MBD3: variants seen among roughly 807,000 people sequenced by gnomAD.
MBD3 encodes the protein methyl-CpG-binding domain protein 3.
MBD3 carries 13 observed loss-of-function variants against 31.2 expected under a neutral mutation model. That is an observed-to-expected ratio of 0.42 (90% CI 0.27 to 0.66). MBD3 has a LOEUF of 0.66. Among genes scored for constraint, MBD3 ranks in the 30% least tolerant of loss-of-function variants. MBD3 has a pLI of 0.26. For missense variants in MBD3, 440 were observed against 426.5 expected (o/e 1.03, Z -0.28); for synonymous variants, 223 against 187.4 (o/e 1.19, Z -1.55).
rs1330778687 is a variant in MBD3, at chr19:1,585,800, G to A, written c.111-586C>T. On this transcript the variant is annotated intron_variant, in intron 1 of 6. Transcript: ENST00000434436. This position sits in a 1 kb window ranked among gnomAD's most constrained non-coding sequence, Gnocchi z 4.1. ...CCTTGGGGTTACAGCAGCAGGGCCA[G>A]ACTGGGAAGGGGTCTCGTTCTAAGA... 6.4e-6 allele frequency: 1 copy of A among 157,212 alleles called. No homozygotes were observed. The highest frequency in any genetic ancestry group is 1.4e-5 in the Non-Finnish European group (1 of 71,172). The allele number at this position is 157,212 out of a possible 1,614,324, so 9.7% of individuals were successfully genotyped here.
At chr19:1,584,763 G>A in intron 2 of MBD3, 86 bp from the exon 3 acceptor site, 2 of 1,388,026 alleles carry the variant, frequency 1.4e-6, no homozygotes, top group Non-Finnish European at 1.9e-6. Context: ...GTGACCCCCT[G>A]CTTTGCCGGC....
Position 1,592,552 on chromosome 19 carries a change from G to T in MBD3, c.80C>A (p.Ser27Ter). 1 of 1,440,280 alleles carries T rather than the reference G, an allele frequency of 6.9e-7. No homozygotes were observed. Among genetic ancestry groups the T allele is most frequent in the Non-Finnish European group, 9.3e-7 (1 of 1,074,082 alleles). The allele number at this position is 1,440,280 out of a possible 1,614,324, so 89.2% of individuals were successfully genotyped here. ...REEVPRRSGL[S>*]AGHRDVFYYS... ...GTAAAAGACATCCCTGTGGCCGGCC[G>T]ACAGCCCCGACCTTCTGGGCACTTC... Residue 27 changes from serine to a stop codon, truncating the protein, a stop_gained, in exon 1 of 7, where the codon TCG becomes TAG. Transcript: ENST00000434436. LOFTEE classifies it high-confidence loss of function.
chr19:1,585,800 G>T lies in MBD3; in HGVS notation c.111-586C>A. 1 of 157,330 alleles carries T rather than the reference G, an allele frequency of 6.4e-6. No homozygotes were observed. The highest frequency in any genetic ancestry group is 1.4e-5 in the Non-Finnish European group (1 of 71,164). 9.7% of individuals were successfully genotyped at this position (157,330 alleles called of 1,614,324 possible). ...CCTTGGGGTTACAGCAGCAGGGCCAGACTGGGAAGGGGTCTCGTTCTAAGA... is the reference window on the plus strand; with the variant it reads ...CCTTGGGGTTACAGCAGCAGGGCCATACTGGGAAGGGGTCTCGTTCTAAGA... On this transcript the variant is annotated intron_variant, in intron 1 of 6. Coordinates refer to ENST00000434436, the MANE Select transcript of MBD3 (RefSeq NM_001281453.2). The surrounding 1 kb of genome is among the most constrained non-coding windows in gnomAD (Gnocchi z 4.1).
rs1413447766 is a variant in MBD3 at position 1,577,554 on chromosome 19, C to T, written c.*610G>A. 1 of 152,252 alleles carries T rather than the reference C, an allele frequency of 6.6e-6. No individual in the cohort carries two copies. Among genetic ancestry groups the T allele is most frequent in the Non-Finnish European group, 1.5e-5 (1 of 68,064 alleles). 9.4% of individuals were successfully genotyped at this position (152,252 alleles called of 1,614,324 possible). A position where few individuals can be genotyped will look rare whatever the true frequency, so the allele number is the denominator to read the frequency against. ...GGCGTTGGCACACAGGGAAGGCTGC[C>T]CGATGACGTGCCTCGACTGTGTTAC... On this transcript the variant is annotated 3_prime_UTR_variant, in exon 7 of 7. Coordinates refer to ENST00000434436, the MANE Select transcript of MBD3 (RefSeq NM_001281453.2).
rs970837442 is a variant in MBD3 at position 1,578,073 on chromosome 19, C to T, written c.*91G>A. ...CCTCCTGGGTGTCTCCAAGGCTGGG[C>T]TTCGCCGCCGAGCCTGGTTCACGTG... On this transcript the variant is annotated 3_prime_UTR_variant, in exon 7 of 7. Transcript: ENST00000434436. This position sits in a 1 kb window ranked among gnomAD's most constrained non-coding sequence, Gnocchi z 6.1. 8 of 577,474 alleles carry T rather than the reference C, an allele frequency of 1.4e-5. No individual in the cohort carries two copies. The highest frequency in any genetic ancestry group is 9.4e-5 in the African/African-American group (5 of 53,322). The allele number at this position is 577,474 out of a possible 1,614,324, so 35.8% of individuals were successfully genotyped here.
chr19:1,580,958 C>G (rs1917338561), intron 5 of MBD3, 134 bp downstream of exon 5: 8 of 1,180,810 alleles, frequency 6.8e-6, no homozygotes, highest in South Asian at 5.3e-5. Context: ...GTCCCCTTGC[C>G]CTGGCTGTTT....
intron 1 of MBD3, 38 bp downstream of exon 1, chr19:1,592,484 G>A (rs1393184720): frequency 2.6e-6 from 3 of 1,171,460 alleles, no homozygotes; most frequent in African/African-American, 1.6e-5. Context: ...GCTGGGAGGA[G>A]CCCGTTGAGG....
chr19:1,584,521 C>T lies in MBD3; in HGVS notation c.408+19G>A, dbSNP rs748509227. ...ACAACCCGGCCGGGAAGGCTGGGGT[C>T]GCTGTGCGTTGAGCTCACCTGGCGC... On this transcript the variant is annotated intron_variant, in intron 3 of 6. Coordinates refer to ENST00000434436, the MANE Select transcript of MBD3 (RefSeq NM_001281453.2). 6 of 1,611,800 alleles carry T rather than the reference C, an allele frequency of 3.7e-6. No homozygotes were observed. Among genetic ancestry groups the T allele is most frequent in the South Asian group, 1.1e-5 (1 of 91,074 alleles).
intron 1 of MBD3, among the ~76,000 whole-genome samples, chr19:1,590,420 G>A (rs1398203608): frequency 8.5e-5 from 13 of 152,066 alleles, no homozygotes; most frequent in South Asian, 4.1e-4. Context: ...CCAGGAATTC[G>A]AGACCAGTCT....
chr19:1,584,512 G>A, intron 3 of MBD3, 28 bp downstream of exon 3: 1 of 1,611,174 alleles, frequency 6.2e-7, no homozygotes, highest in Non-Finnish European at 8.5e-7. Flanking sequence ...CGGCCGGGAA[G>A]GCTGGGGTCG....
intron 1 of MBD3, among the ~76,000 whole-genome samples, chr19:1,591,457 T>A (rs1032440846): frequency 3.3e-5 from 5 of 152,190 alleles, no homozygotes; most frequent in Non-Finnish European, 7.3e-5. Flanking sequence ...GAGCGGTCGT[T>A]CTGCCCCTCC....
intron 1 of MBD3, among the ~76,000 whole-genome samples, chr19:1,590,631 A>T (rs1452949999): frequency 6.6e-6 from 1 of 152,192 alleles, no homozygotes; most frequent in Non-Finnish European, 1.5e-5. Context: ...CAAAAAAGGT[A>T]GCTTTTGTGG....
chr19:1,584,931 C>T (rs866758209), intron 2 of MBD3, 124 bp downstream of exon 2: 1 of 1,375,844 alleles, frequency 7.3e-7, no homozygotes, highest in Non-Finnish European at 1.0e-6. Flanking sequence ...CGCTCTGTGC[C>T]CTCCGCCCGC....
chr19:1,583,448 A>G (rs2060662740), intron 3 of MBD3: 1 of 152,004 alleles, frequency 6.6e-6, no homozygotes, highest in Non-Finnish European at 1.5e-5. Context: ...TCAGGTTTTT[A>G]AGAAGTAGGT....
chr19:1,579,242 C>T (rs1013088868), intron 5 of MBD3, among the ~76,000 whole-genome samples: 20 of 151,218 alleles, frequency 1.3e-4, no homozygotes, highest in Non-Finnish European at 2.5e-4. Context: ...ACCATCAGCC[C>T]GCAGCAGCCC....
In MBD3 at chr19:1,578,999, C is replaced by T. The variant is rs959215975; in HGVS notation, c.678-461G>A. ...AGGCGTTCGAGACCAGCCTGACCAA[C>T]ATGACGAAACCCCATCTCTACTAAA... On this transcript the variant is annotated intron_variant, in intron 5 of 6. Transcript: ENST00000434436. This position sits in a 1 kb window ranked among gnomAD's most constrained non-coding sequence, Gnocchi z 6.1. Among the ~76,000 whole-genome samples, 16 of 152,136 alleles carry T rather than the reference C, an allele frequency of 1.1e-4. No individual in the cohort carries two copies. Among genetic ancestry groups the T allele is most frequent in the African/African-American group, 3.6e-4 (15 of 41,530 alleles).
At chr19:1,580,279 C>G (rs1398622026) in intron 5 of MBD3, among the ~76,000 whole-genome samples, 4 of 152,170 alleles carry the variant, frequency 2.6e-5, no homozygotes, top group Non-Finnish European at 4.4e-5. Flanking sequence ...GAACCCTTGG[C>G]GCCCACAGTT....
At chr19:1,590,667 A>G (rs2060699451) in intron 1 of MBD3, among the ~76,000 whole-genome samples, 1 of 152,150 alleles carries the variant, frequency 6.6e-6, no homozygotes, top group African/African-American at 2.4e-5. Flanking sequence ...TCAATTTTAA[A>G]TAAAGGTTAT....
chr19:1,578,214 G>A lies in MBD3; in HGVS notation c.*6-56C>T. The A allele has an allele frequency of 2.7e-6, 4 of 1,464,316 alleles. No homozygotes were observed. The highest frequency in any genetic ancestry group is 3.7e-6 in the Non-Finnish European group (4 of 1,071,806). 90.7% of individuals were successfully genotyped at this position (1,464,316 alleles called of 1,614,324 possible). ...GACTCCACGGGACGGGGACGCTTGGGCTCTTCTAGGGAGATGGGAAGCTCT... is the reference window on the plus strand; with the variant it reads ...GACTCCACGGGACGGGGACGCTTGGACTCTTCTAGGGAGATGGGAAGCTCT... On this transcript the variant is annotated intron_variant, in intron 6 of 6. Transcript: ENST00000434436. This position sits in a 1 kb window ranked among gnomAD's most constrained non-coding sequence, Gnocchi z 6.1.
Sources: allele counts gnomAD v4.1 joint callset (sites outside exome capture counted in the v4.1 genomes callset), GRCh38; gene constraint gnomAD v4.1.1; non-coding constraint Gnocchi (gnomAD v3.1); transcripts MANE v1.5; gene names NCBI Gene and HGNC (gene_info 2026-07-23, HGNC 2026-07-21).